UBAP1: variants seen among roughly 807,000 people sequenced by gnomAD.
The protein encoded by UBAP1 is ubiquitin-associated protein 1.
In UBAP1, 5 loss-of-function variants were observed where a neutral mutation model predicts 39.0. The observed-to-expected ratio is 0.13, with a 90% CI of 0.07 to 0.27. The LOEUF is 0.27. UBAP1 is among the 10% of genes least tolerant of loss of function. UBAP1 has a pLI of 1.00. For synonymous variants in UBAP1, 211 were observed against 225.1 expected, an observed-to-expected ratio of 0.94 and a Z score of 0.56; for missense variants, 490 against 608.1, an observed-to-expected ratio of 0.81 and a Z score of 2.04.
At chr9:34,234,462 A>G in intron 3 of UBAP1, 122 bp downstream of exon 3, 1 of 1,120,190 alleles carries the variant, frequency 8.9e-7, no homozygotes, top group Non-Finnish European at 1.3e-6. Context: ...TCAACGATGG[A>G]CCACATATAC....
chr9:34,193,756 G>A (rs1008825751), intron 1 of UBAP1, among the ~76,000 whole-genome samples: 1 of 152,160 alleles, frequency 6.6e-6, no homozygotes, highest in Non-Finnish European at 1.5e-5. Flanking sequence ...CCTTCTTGGG[G>A]CACCACCATC....
In UBAP1 at chr9:34,234,218, A is replaced by G; in HGVS notation, c.37A>G (p.Thr13Ala). ...SKKLGADFHG[T>A]FSYLDDVPFK... ...TTCTACTTTATTTTTGATTATAGGG[A>G]CTTTCAGTTACCTTGATGATGTCCC... The change falls in exon 3 of 7, where the codon ACT (threonine) becomes GCT (alanine). Residue 13 changes from threonine (T) to alanine (A), a missense_variant and splice_region_variant. Thr to Ala is a moderately conservative substitution (Grantham distance 58). Transcript: ENST00000297661. The G allele has an allele frequency of 6.3e-7, 1 of 1,594,090 alleles. No individual in the cohort carries two copies.
At chr9:34,181,556 C>T (rs62556562) in intron 1 of UBAP1, among the ~76,000 whole-genome samples, 30,567 of 150,894 alleles carry the variant, frequency 0.2, 3,872 homozygotes, top group Non-Finnish European at 0.27. Flanking sequence ...CCTCAGCCTC[C>T]TGAGTAGCTG....
At chr9:34,242,223 C>A in intron 4 of UBAP1, 115 bp downstream of exon 4, 1 of 1,143,218 alleles carries the variant, frequency 8.7e-7, no homozygotes, top group Non-Finnish European at 1.2e-6. Flanking sequence ...GTTGCCCAGG[C>A]TGGAATGCAG....
rs997542974 is a variant in UBAP1, at chr9:34,223,962, T to C, written c.34+3014T>C. On this transcript the variant is annotated intron_variant, in intron 2 of 6. Coordinates refer to ENST00000297661, the MANE Select transcript of UBAP1 (RefSeq NM_016525.5). The stretch of plus-strand genomic sequence containing the variant: ...CAAAACAATAAACACCTTCATTACA[T>C]GGGTGAAGACAAAACGAGGATTTAT... 4.8e-5 allele frequency: 18 copies of C among 373,328 alleles called. 1 individual carries two copies. Among genetic ancestry groups the C allele is most frequent in the Non-Finnish European group, 8.6e-5 (17 of 198,038 alleles). The allele number at this position is 373,328 out of a possible 1,614,324, so 23.1% of individuals were successfully genotyped here. A position where few individuals can be genotyped will look rare whatever the true frequency, so the allele number is the denominator to read the frequency against.
In UBAP1 at chr9:34,208,502, G is replaced by T. The variant is rs541357054; in HGVS notation, c.-7-12406G>T. ...TACTAAAAATAAAAAAATTAGCCGG[G>T]CGCGGTGGCTCACGCCTGTAATCCC... On this transcript the variant is annotated intron_variant, in intron 1 of 6. Transcript: ENST00000297661. 1.7e-4 allele frequency among the ~76,000 whole-genome samples: 26 copies of T among 152,126 alleles called. No homozygotes were observed. The South Asian group carries it at 4.6e-3, about 27-fold the overall frequency.
chr9:34,186,617 A>T (rs1830420919), intron 1 of UBAP1, among the ~76,000 whole-genome samples: 9 of 152,048 alleles, frequency 5.9e-5, no homozygotes, highest in Admixed American at 5.9e-4. Context: ...CATTTCCTGA[A>T]GCTGGGCATC....
intron 4 of UBAP1, among the ~76,000 whole-genome samples, chr9:34,247,488 A>G (rs943085248): frequency 8.6e-5 from 13 of 151,372 alleles, no homozygotes; most frequent in Non-Finnish European, 1.5e-4. Flanking sequence ...GCAGTGGCGC[A>G]ATCTTGGCCC....
At chr9:34,230,961 T>A (rs190852592) in intron 2 of UBAP1, among the ~76,000 whole-genome samples, 1 of 152,080 alleles carries the variant, frequency 6.6e-6, no homozygotes, top group Admixed American at 6.6e-5. Flanking sequence ...GAAGAATGCT[T>A]GAGCCCAGGA....
chr9:34,205,821 G>A (rs1463564437), intron 1 of UBAP1, among the ~76,000 whole-genome samples: 2 of 152,000 alleles, frequency 1.3e-5, no homozygotes, highest in Non-Finnish European at 2.9e-5. Flanking sequence ...GTGAAACCCC[G>A]TCTCTACTAA....
At chr9:34,218,591 T>A (rs1832480214) in intron 1 of UBAP1, among the ~76,000 whole-genome samples, 1 of 152,170 alleles carries the variant, frequency 6.6e-6, no homozygotes, top group Admixed American at 6.6e-5. Flanking sequence ...GGTATGTGCC[T>A]ACGTGGGAAG....
At chr9:34,239,105 C>T (rs549149447) in intron 3 of UBAP1, among the ~76,000 whole-genome samples, 6 of 152,194 alleles carry the variant, frequency 3.9e-5, no homozygotes, top group African/African-American at 9.7e-5. Flanking sequence ...AGTGCAGTGG[C>T]GCCATCTTGG....
intron 3 of UBAP1, among the ~76,000 whole-genome samples, chr9:34,235,178 AAGTATTAGTTCGGAAG>A (rs1174993369): frequency 1.3e-5 from 2 of 152,194 alleles, no homozygotes; most frequent in Admixed American, 1.3e-4. Flanking sequence ...ATTTTAGGCT[AAGTATTAGTTCGGAAG>A]AGTAAAAAAG....
chr9:34,209,516 C>T (rs569733049), intron 1 of UBAP1, among the ~76,000 whole-genome samples: 2 of 151,842 alleles, frequency 1.3e-5, no homozygotes, highest in Non-Finnish European at 2.9e-5. Context: ...GGTTTGCACT[C>T]TTTATTGTTA....
intron 2 of UBAP1, among the ~76,000 whole-genome samples, chr9:34,222,606 G>C (rs1832819672): frequency 6.6e-6 from 1 of 152,052 alleles, no homozygotes; most frequent in Non-Finnish European, 1.5e-5. Context: ...ACCAGCCTCA[G>C]CAACATAGTG....
intron 4 of UBAP1, among the ~76,000 whole-genome samples, chr9:34,249,061 T>C (rs1399071100): frequency 6.6e-6 from 1 of 152,144 alleles, no homozygotes; most frequent in East Asian, 1.9e-4. Flanking sequence ...GGGAGCAGGC[T>C]GCCTGTAGCT....
At chr9:34,187,635 A>T (rs1830474985) in intron 1 of UBAP1, among the ~76,000 whole-genome samples, 1 of 152,120 alleles carries the variant, frequency 6.6e-6, no homozygotes, top group Non-Finnish European at 1.5e-5. Context: ...TCTAGTTTTT[A>T]CAGTGTTGGG....
chr9:34,203,134 G>A (rs1831494686), intron 1 of UBAP1, among the ~76,000 whole-genome samples: 1 of 152,028 alleles, frequency 6.6e-6, no homozygotes, highest in African/African-American at 2.4e-5. Flanking sequence ...ATTAGGATTT[G>A]GGTATGTATG....
intron 1 of UBAP1, among the ~76,000 whole-genome samples, chr9:34,214,221 T>C (rs1285119470): frequency 6.6e-6 from 1 of 152,122 alleles, no homozygotes; most frequent in African/African-American, 2.4e-5. Flanking sequence ...AAAGCAAGAC[T>C]AAGCAAAGAG....
Sources: allele counts gnomAD v4.1 joint callset (sites outside exome capture counted in the v4.1 genomes callset), GRCh38; gene constraint gnomAD v4.1.1; transcripts MANE v1.5; gene names NCBI Gene and HGNC (gene_info 2026-07-23, HGNC 2026-07-21).